FNBP1L: variants seen among roughly 807,000 people sequenced by gnomAD.
FNBP1L encodes formin-binding protein 1-like.
In FNBP1L, 36 loss-of-function variants were observed where a neutral mutation model predicts 91.2. That is an observed-to-expected ratio of 0.39 (90% CI 0.30 to 0.52). FNBP1L has a LOEUF of 0.52. FNBP1L is among the 20% of genes least tolerant of loss of function. FNBP1L has a pLI of 0.66. For synonymous variants in FNBP1L, 242 were observed against 237.0 expected, an observed-to-expected ratio of 1.02 and a Z score of -0.19; for missense variants, 571 against 732.1, an observed-to-expected ratio of 0.78 and a Z score of 2.54.
chr1:93,529,691 A>G lies in FNBP1L; in HGVS notation c.445A>G (p.Lys149Glu). 6.6e-7 allele frequency: 1 copy of G among 1,518,144 alleles called. No homozygotes were observed. Among genetic ancestry groups the G allele is most frequent in the Non-Finnish European group, 8.8e-7 (1 of 1,137,084 alleles). The allele number at this position is 1,518,144 out of a possible 1,614,324, so 94.0% of individuals were successfully genotyped here. Residue 149 changes from lysine to glutamate, a missense_variant, in exon 6 of 17, where the codon AAG becomes GAG. By Grantham distance (56) the Lys-to-Glu change is moderately conservative. Around this residue, in one of 5 missense-constraint regions of FNBP1L, gnomAD observed 220 missense variants for 313.6 expected, o/e 0.70. Coordinates refer to ENST00000271234, the MANE Select transcript of FNBP1L (RefSeq NM_001164473.3). ...TGAAAGAGAATGTAGAGAGGCAGAA[A>G]AGGCACAACAGAGTTATGAAAGATT... is the stretch of plus-strand genomic sequence containing the variant. ...KFERECREAE[K>E]AQQSYERLDN...
rs1372151337 is a variant in FNBP1L at position 93,547,433 on chromosome 1, A to G, written c.1494A>G (p.Gly498=). 2 of 1,552,912 alleles carry G rather than the reference A, an allele frequency of 1.3e-6. No individual in the cohort carries two copies. The highest frequency in any genetic ancestry group is 3.9e-5 in the Admixed American group (2 of 51,272). ...ACATAAATCATCTTGTAACACAGGGACGAGAAAGGTGATTTTTTGTATTTT... is the reference window on the plus strand; with the variant it reads ...ACATAAATCATCTTGTAACACAGGGGCGAGAAAGGTGATTTTTTGTATTTT... The part of the protein sequence containing the change: ...SSDINHLVTQ[G]RESPEGSYTD... Residue 498 remains glycine (G), a synonymous_variant, in exon 14 of 17, where the codon GGA becomes GGG. Transcript: ENST00000271234.
At chr1:93,544,437 A>G (rs893782942) in intron 12 of FNBP1L, among the ~76,000 whole-genome samples, 1 of 152,138 alleles carries the variant, frequency 6.6e-6, no homozygotes, top group Non-Finnish European at 1.5e-5. Context: ...ATATGCCTTC[A>G]TTAATTTGCA....
chr1:93,527,902 G>A (rs1671544308), intron 5 of FNBP1L, among the ~76,000 whole-genome samples: 1 of 151,758 alleles, frequency 6.6e-6, no homozygotes, highest in African/African-American at 2.4e-5. Flanking sequence ...AAAGGGAATA[G>A]AGAAAATTTT....
At chr1:93,458,588 A>G (rs1214194932) in intron 1 of FNBP1L, among the ~76,000 whole-genome samples, 1 of 152,216 alleles carries the variant, frequency 6.6e-6, no homozygotes, top group Non-Finnish European at 1.5e-5. Context: ...TATGACTCCA[A>G]AAACACAGGC....
intron 2 of FNBP1L, among the ~76,000 whole-genome samples, chr1:93,505,563 TG>T (rs1357054443): frequency 2.6e-5 from 4 of 152,206 alleles, no homozygotes; most frequent in Non-Finnish European, 4.4e-5. Context: ...AATGCTTGCT[TG>T]GACCAGTATA....
At chr1:93,512,105 AGGCAGGG>A in intron 2 of FNBP1L, among the ~76,000 whole-genome samples, 1 of 152,292 alleles carries the variant, frequency 6.6e-6, no homozygotes, top group South Asian at 2.1e-4. Context: ...AAACAACAAA[AGGCAGGG>A]GTTGCAATCC....
chr1:93,509,172 C>A (rs541026000), intron 2 of FNBP1L, among the ~76,000 whole-genome samples: 1 of 152,150 alleles, frequency 6.6e-6, no homozygotes, highest in African/African-American at 2.4e-5. Context: ...TGATAAATTC[C>A]AAATCCCAGG....
At chr1:93,482,127 A>G (rs1035283561) in intron 1 of FNBP1L, among the ~76,000 whole-genome samples, 1 of 152,150 alleles carries the variant, frequency 6.6e-6, no homozygotes, top group Non-Finnish European at 1.5e-5. Context: ...ACATCACTGC[A>G]CTCCAGCCTG....
intron 2 of FNBP1L, among the ~76,000 whole-genome samples, chr1:93,500,301 A>C (rs1670404361): frequency 6.6e-6 from 1 of 152,212 alleles, no homozygotes; most frequent in Non-Finnish European, 1.5e-5. Context: ...AATAATCTTC[A>C]GGCCCCATTT....
chr1:93,477,525 G>A (rs1669539924), intron 1 of FNBP1L, among the ~76,000 whole-genome samples: 1 of 152,048 alleles, frequency 6.6e-6, no homozygotes, highest in Non-Finnish European at 1.5e-5. Flanking sequence ...CAAACTTTCG[G>A]GTGCACTTGA....
At chr1:93,451,178 A>T (rs1668481289) in intron 1 of FNBP1L, among the ~76,000 whole-genome samples, 1 of 152,224 alleles carries the variant, frequency 6.6e-6, no homozygotes. Context: ...TATTGTGTTC[A>T]TTTCTTTATT....
chr1:93,471,029 C>G (rs1234584621), intron 1 of FNBP1L, among the ~76,000 whole-genome samples: 4 of 151,920 alleles, frequency 2.6e-5, no homozygotes, highest in Non-Finnish European at 5.9e-5. Flanking sequence ...CAATATTATT[C>G]TTTTTTAGTG....
chr1:93,520,590 C>G (rs1671288126), intron 2 of FNBP1L, among the ~76,000 whole-genome samples: 1 of 152,082 alleles, frequency 6.6e-6, no homozygotes, highest in South Asian at 2.1e-4. Context: ...AGTCTATGGA[C>G]CCTTGCTGGA....
Position 93,552,428 on chromosome 1 carries a change from G to C in FNBP1L, c.*12G>C. On this transcript the variant is annotated 3_prime_UTR_variant, in exon 17 of 17. Coordinates refer to ENST00000271234, the MANE Select transcript of FNBP1L (RefSeq NM_001164473.3). ...CTGCAGGTTCCTGAAGAGGGTTTCT[G>C]AGGAAATGGGCAAGATGTTGAAGGA... 1 of 1,612,620 alleles carries C rather than the reference G, an allele frequency of 6.2e-7. No homozygotes were observed. The highest frequency in any genetic ancestry group is 2.2e-5 in the East Asian group (1 of 44,830).
chr1:93,475,170 C>T (rs940658302), intron 1 of FNBP1L, among the ~76,000 whole-genome samples: 25 of 151,504 alleles, frequency 1.7e-4, no homozygotes, highest in Non-Finnish European at 2.5e-4. Context: ...CTGCAGTTTG[C>T]AATGAAAGAA....
intron 10 of FNBP1L, among the ~76,000 whole-genome samples, chr1:93,538,222 A>G (rs1050956260): frequency 3.3e-5 from 5 of 151,626 alleles, no homozygotes; most frequent in African/African-American, 9.7e-5. Flanking sequence ...AATTAGAGCT[A>G]TGAACCCTGG....
In FNBP1L at chr1:93,522,147, AC is replaced by A. The variant is rs768995724; in HGVS notation, c.194+14del. On this transcript the variant is annotated intron_variant, in intron 3 of 16. Transcript: ENST00000271234. ...GATGAAGAGCCACGGTAAATTACAT[AC>A]CTGTTCATTAATGCATATTAAAAAA... 5.6e-6 allele frequency: 8 copies of A among 1,430,268 alleles called. No individual in the cohort carries two copies. Among genetic ancestry groups the A allele is most frequent in the Non-Finnish European group, 6.5e-6 (7 of 1,081,226 alleles). The allele number at this position is 1,430,268 out of a possible 1,614,324, so 88.6% of individuals were successfully genotyped here.
chr1:93,461,938 C>G (rs1013796700), intron 1 of FNBP1L, among the ~76,000 whole-genome samples: 1 of 152,144 alleles, frequency 6.6e-6, no homozygotes, highest in Admixed American at 6.6e-5. Flanking sequence ...GTGAAGGACT[C>G]GTGTGTCTTA....
At chr1:93,460,103 G>A (rs941977069) in intron 1 of FNBP1L, among the ~76,000 whole-genome samples, 1 of 152,008 alleles carries the variant, frequency 6.6e-6, no homozygotes, top group African/African-American at 2.4e-5. Context: ...AAAAGGTTTT[G>A]GAACATTTCC....
Sources: allele counts gnomAD v4.1 joint callset (sites outside exome capture counted in the v4.1 genomes callset), GRCh38; gene constraint gnomAD v4.1.1; regional missense constraint gnomAD v4.1.1; transcripts MANE v1.5; gene names NCBI Gene and HGNC (gene_info 2026-07-23, HGNC 2026-07-21).